Variants in CPE observed in about 807,000 individuals in gnomAD.
The protein encoded by CPE is carboxypeptidase E.
CPE carries 17 observed loss-of-function variants against 53.5 expected under a neutral mutation model. That is an observed-to-expected ratio of 0.32 (90% CI 0.22 to 0.48). The LOEUF is 0.48. CPE is among the 20% of genes least tolerant of loss of function. The pLI is 0.99. For missense variants in CPE, 524 were observed against 614.7 expected, an observed-to-expected ratio of 0.85 and a Z score of 1.56; for synonymous variants, 226 against 228.8, an observed-to-expected ratio of 0.99 and a Z score of 0.11.
intron 1 of CPE, among the ~76,000 whole-genome samples, chr4:165,417,123 G>T (rs1416836948): frequency 6.6e-6 from 1 of 152,130 alleles, no homozygotes; most frequent in Non-Finnish European, 1.5e-5. Context: ...AAATAATATG[G>T]AATGGATTAG....
intron 1 of CPE, among the ~76,000 whole-genome samples, chr4:165,444,093 G>A (rs972494899): frequency 1.3e-5 from 2 of 152,152 alleles, no homozygotes; most frequent in Non-Finnish European, 2.9e-5. Flanking sequence ...TGTTGTAACA[G>A]CCTGAATGGA....
intron 3 of CPE, among the ~76,000 whole-genome samples, chr4:165,476,892 G>A (rs924029809): frequency 4.6e-5 from 7 of 151,664 alleles, no homozygotes; most frequent in Non-Finnish European, 8.8e-5. Context: ...GAGCCAGAAA[G>A]GCGGCAGGCT....
At chr4:165,407,531 C>G (rs1222740783) in intron 1 of CPE, among the ~76,000 whole-genome samples, 1 of 151,066 alleles carries the variant, frequency 6.6e-6, no homozygotes, top group Non-Finnish European at 1.5e-5. Context: ...TTACAAGCAT[C>G]ATGCCGGGCT....
intron 1 of CPE, among the ~76,000 whole-genome samples, chr4:165,416,658 A>G (rs1731129018): frequency 1.3e-5 from 2 of 151,640 alleles, no homozygotes; most frequent in African/African-American, 2.4e-5. Context: ...CTTCTTCTCA[A>G]TTACTAGATT....
intron 1 of CPE, among the ~76,000 whole-genome samples, chr4:165,402,705 G>A (rs988203350): frequency 8.5e-5 from 13 of 152,154 alleles, no homozygotes; most frequent in Non-Finnish European, 1.3e-4. Context: ...CTGCAGAACC[G>A]TGAGCCAATT....
At chr4:165,464,970 A>C (rs890813137) in intron 2 of CPE, among the ~76,000 whole-genome samples, 2 of 152,340 alleles carry the variant, frequency 1.3e-5, no homozygotes, top group East Asian at 1.9e-4. Flanking sequence ...TGGATGAGCC[A>C]GTGTCACAGC....
intron 1 of CPE, among the ~76,000 whole-genome samples, chr4:165,409,698 G>A (rs929602237): frequency 6.6e-6 from 1 of 152,098 alleles, no homozygotes; most frequent in Non-Finnish European, 1.5e-5. Context: ...GTGAAATACT[G>A]TGGTGATCTT....
rs373529437 is a variant in CPE at position 165,495,709 on chromosome 4, A to T, written c.1332+32A>T. On this transcript the variant is annotated intron_variant, in intron 8 of 8. Coordinates refer to ENST00000402744, the MANE Select transcript of CPE (RefSeq NM_001873.4). ...AATCATAATAATAGCCAAACGCTAT[A>T]ATAATAATTAAGCATTTATCATTGT... The T allele has an allele frequency of 2.9e-6, 4 of 1,395,222 alleles. No homozygotes were observed. The Admixed American group carries it at 7.4e-5, about 26-fold the overall frequency. 86.4% of individuals were successfully genotyped at this position (1,395,222 alleles called of 1,614,324 possible). A position where few individuals can be genotyped will look rare whatever the true frequency, so the allele number is the denominator to read the frequency against.
Position 165,379,201 on chromosome 4 carries a change from C to T in CPE, c.-21C>T. The T allele has an allele frequency of 8.2e-7, 1 of 1,221,906 alleles. No individual in the cohort carries two copies. The highest frequency in any genetic ancestry group is 1.0e-6 in the Non-Finnish European group (1 of 983,224). The allele number at this position is 1,221,906 out of a possible 1,614,324, so 75.7% of individuals were successfully genotyped here. A position where few individuals can be genotyped will look rare whatever the true frequency, so the allele number is the denominator to read the frequency against. ...GGCCGCCCGCGTAGGAAGGCACGGC[C>T]GGCGGCGGCGGAGCGCAGCGATGGC... On this transcript the variant is annotated 5_prime_UTR_variant, in exon 1 of 9. Transcript: ENST00000402744. The surrounding 1 kb of genome is among the most constrained non-coding windows in gnomAD (Gnocchi z 6.0).
At chr4:165,476,046 A>G (rs1579278906) in intron 3 of CPE, among the ~76,000 whole-genome samples, 1 of 152,316 alleles carries the variant, frequency 6.6e-6, no homozygotes, top group East Asian at 1.9e-4. Flanking sequence ...CCAGTGATGA[A>G]TCCATATGGG....
At chr4:165,461,984 A>G (rs1466993842) in intron 1 of CPE, among the ~76,000 whole-genome samples, 2 of 152,228 alleles carry the variant, frequency 1.3e-5, no homozygotes, top group Admixed American at 6.5e-5. Context: ...TCTTCAATAT[A>G]ATGACCTTTG....
At chr4:165,478,228 C>T (rs1732337949) in intron 3 of CPE, among the ~76,000 whole-genome samples, 2 of 152,084 alleles carry the variant, frequency 1.3e-5, no homozygotes, top group African/African-American at 4.8e-5. Context: ...ACAATTGTTT[C>T]TAGTTTCTAT....
intron 1 of CPE, among the ~76,000 whole-genome samples, chr4:165,417,832 G>A (rs189773106): frequency 1.3e-5 from 2 of 151,094 alleles, no homozygotes; most frequent in Admixed American, 1.3e-4. Flanking sequence ...TTGGAACATG[G>A]TGGGTACTTA....
chr4:165,428,950 G>T (rs916435395), intron 1 of CPE, among the ~76,000 whole-genome samples: 24 of 152,082 alleles, frequency 1.6e-4, no homozygotes, highest in African/African-American at 5.6e-4. Context: ...AGGTTTCAGG[G>T]ATTAGGGCAT....
intron 1 of CPE, among the ~76,000 whole-genome samples, chr4:165,427,392 T>A (rs1181867097): frequency 6.6e-6 from 1 of 150,546 alleles, no homozygotes; most frequent in African/African-American, 2.4e-5. Context: ...AACCTTTTTT[T>A]AAACATTTTG....
At chr4:165,460,025 TC>T (rs895372547) in intron 1 of CPE, among the ~76,000 whole-genome samples, 34 of 150,372 alleles carry the variant, frequency 2.3e-4, no homozygotes, top group Non-Finnish European at 4.4e-4. Flanking sequence ...CTTTCCCCGC[TC>T]CCCCACCCCG....
At chr4:165,403,695 T>C (rs1482332726) in intron 1 of CPE, among the ~76,000 whole-genome samples, 1 of 151,540 alleles carries the variant, frequency 6.6e-6, no homozygotes, top group Non-Finnish European at 1.5e-5. Flanking sequence ...TTACAGAGTT[T>C]GGTTTTTATT....
chr4:165,405,395 T>G (rs1560871937), intron 1 of CPE: 4 of 1,043,432 alleles, frequency 3.8e-6, no homozygotes, highest in Non-Finnish European at 6.0e-6. Flanking sequence ...TTTCTGAGAT[T>G]CAGAGAGATA....
chr4:165,413,106 G>A (rs1015947671), intron 1 of CPE, among the ~76,000 whole-genome samples: 1 of 152,120 alleles, frequency 6.6e-6, no homozygotes, highest in African/African-American at 2.4e-5. Context: ...GCTCTTTCTT[G>A]TCTCTCACAT....
Sources: gnomAD v4.1 joint callset for allele counts (sites outside exome capture counted in the v4.1 genomes callset) on GRCh38, gnomAD v4.1.1 for gene constraint, Gnocchi (gnomAD v3.1) non-coding constraint, MANE v1.5 for transcripts, NCBI Gene and HGNC (gene_info 2026-07-23, HGNC 2026-07-21) for gene names.